The following PTPRD variants were observed in gnomAD, a reference collection of about 807,000 sequenced individuals.
PTPRD encodes the protein receptor-type tyrosine-protein phosphatase delta.
A neutral mutation model predicts 214.5 loss-of-function variants in PTPRD; 34 were observed. That is an observed-to-expected ratio of 0.16 (90% CI 0.12 to 0.21). The LOEUF (loss-of-function observed/expected upper bound fraction) is 0.21, where lower values mean the gene tolerates loss of function less well. Among genes scored for constraint, PTPRD ranks in the 10% least tolerant of loss-of-function variants. The pLI is 1.00. For missense variants in PTPRD, 2,545 were observed against 2,398.7 expected (o/e 1.06, Z -1.27); for synonymous variants, 1,128 against 845.7 (o/e 1.33, Z -5.79).
At chr9:10,224,022 A>C (rs2099580506) in intron 3 of PTPRD, among the ~76,000 whole-genome samples, 1 of 151,810 alleles carries the variant, frequency 6.6e-6, no homozygotes, top group Non-Finnish European at 1.5e-5. Flanking sequence ...ATTTCAGGTT[A>C]AATAATATAT....
At chr9:9,403,844 C>G (rs1381135993) in intron 8 of PTPRD, among the ~76,000 whole-genome samples, 2 of 151,878 alleles carry the variant, frequency 1.3e-5, no homozygotes, top group Non-Finnish European at 2.9e-5. Flanking sequence ...AAAGACCATA[C>G]ACAGCTAAAC....
At chr9:10,197,865 G>A (rs1481736160) in intron 3 of PTPRD, among the ~76,000 whole-genome samples, 1 of 152,062 alleles carries the variant, frequency 6.6e-6, no homozygotes, top group Non-Finnish European at 1.5e-5. Flanking sequence ...ACTCAGATCT[G>A]TAAGCAAAGA....
At chr9:9,099,757 T>C (rs926598216) in intron 10 of PTPRD, among the ~76,000 whole-genome samples, 1 of 152,190 alleles carries the variant, frequency 6.6e-6, no homozygotes, top group South Asian at 2.1e-4. Flanking sequence ...ATGGTTTCTA[T>C]GAATAGAATT....
chr9:8,449,941 G>T, intron 33 of PTPRD, 104 bp from the exon 34 acceptor site: 2 of 1,137,350 alleles, frequency 1.8e-6, no homozygotes, highest in Non-Finnish European at 2.5e-6. Flanking sequence ...CAAGTTTTCA[G>T]TTTTACAACT....
intron 4 of PTPRD, among the ~76,000 whole-genome samples, chr9:9,964,026 A>G (rs2094519350): frequency 6.9e-6 from 1 of 144,926 alleles, no homozygotes; most frequent in Admixed American, 7.3e-5. Flanking sequence ...TGAGTCAGAG[A>G]GACACAGACA....
chr9:10,245,393 A>AT (rs2154365454), intron 3 of PTPRD, among the ~76,000 whole-genome samples: 1 of 152,176 alleles, frequency 6.6e-6, no homozygotes, highest in East Asian at 1.9e-4. Context: ...CATTTTATCT[A>AT]TGATTTCCAA....
chr9:9,182,260 T>G (rs936272940), intron 10 of PTPRD, among the ~76,000 whole-genome samples: 2 of 152,042 alleles, frequency 1.3e-5, no homozygotes, highest in African/African-American at 4.8e-5. Context: ...CTTCTCCATA[T>G]GCAGATATTT....
chr9:9,630,664 G>T (rs1368021832), intron 7 of PTPRD, among the ~76,000 whole-genome samples: 1 of 152,176 alleles, frequency 6.6e-6, no homozygotes, highest in Non-Finnish European at 1.5e-5. Flanking sequence ...GAGGAAAATA[G>T]TGACTGGAAG....
chr9:10,250,766 G>C (rs964715097), intron 3 of PTPRD, among the ~76,000 whole-genome samples: 2 of 151,778 alleles, frequency 1.3e-5, no homozygotes, highest in Non-Finnish European at 2.9e-5. Context: ...GGAAGAAACT[G>C]TTTATATGTT....
At chr9:9,016,012 A>G (rs547824863) in intron 11 of PTPRD, among the ~76,000 whole-genome samples, 7 of 152,248 alleles carry the variant, frequency 4.6e-5, no homozygotes, top group East Asian at 3.9e-4. Flanking sequence ...CACAGGCAGC[A>G]GGACTTGAGG....
intron 9 of PTPRD, among the ~76,000 whole-genome samples, chr9:9,270,817 T>A (rs563578222): frequency 6.6e-6 from 1 of 151,434 alleles, no homozygotes; most frequent in South Asian, 2.1e-4. Flanking sequence ...TGGAGAAAAG[T>A]TAACAGGATT....
chr9:10,145,998 T>C (rs2099019813), intron 3 of PTPRD, among the ~76,000 whole-genome samples: 1 of 152,022 alleles, frequency 6.6e-6, no homozygotes, highest in Non-Finnish European at 1.5e-5. Context: ...CAATATCAAA[T>C]ATTCTATTGG....
chr9:8,770,575 C>A (rs1015300677), intron 11 of PTPRD, among the ~76,000 whole-genome samples: 1 of 152,104 alleles, frequency 6.6e-6, no homozygotes, highest in Non-Finnish European at 1.5e-5. Context: ...GACTGAGAAG[C>A]TTTCACTAAA....
intron 9 of PTPRD, among the ~76,000 whole-genome samples, chr9:9,275,067 T>A (rs10816084): frequency 0.68 from 44,027 of 64,484 alleles, 12,737 homozygotes; most frequent in Non-Finnish European, 0.7. Flanking sequence ...ATATATATAT[T>A]ATATATATAT....
intron 2 of PTPRD, among the ~76,000 whole-genome samples, chr9:10,445,517 G>A (rs2098792585): frequency 6.6e-6 from 1 of 152,128 alleles, no homozygotes; most frequent in Non-Finnish European, 1.5e-5. Flanking sequence ...GAATACATTT[G>A]AGAAATATAT....
chr9:9,590,141 A>T (rs920148297), intron 7 of PTPRD, among the ~76,000 whole-genome samples: 3 of 152,080 alleles, frequency 2.0e-5, no homozygotes, highest in Admixed American at 2.0e-4. Flanking sequence ...CACTTACTGT[A>T]TGGTGACTGT....
intron 5 of PTPRD, among the ~76,000 whole-genome samples, chr9:9,854,360 G>C (rs1357774955): frequency 3.3e-5 from 5 of 151,966 alleles, no homozygotes; most frequent in Non-Finnish European, 5.9e-5. Context: ...CATAGGTCCT[G>C]GAATCAAGGA....
At position 9,505,299 on chromosome 9, in the gene PTPRD, T is replaced by C. The variant is rs181604343; in HGVS notation, c.-237+69433A>G. 4.5e-3 allele frequency among the ~76,000 whole-genome samples: 682 copies of C among 151,750 alleles called. 7 individuals are homozygous for C. Among genetic ancestry groups the C allele is most frequent in the African/African-American group, 0.015 (621 of 41,496 alleles). ...AGATCCATTTTTTTAAATCCTTCTC[T>C]TCTTTATAGATCATTTCATATCGTC... is the stretch of plus-strand genomic sequence containing the variant. On this transcript the variant is annotated intron_variant, in intron 8 of 45. Transcript: ENST00000381196.
At chr9:9,296,739 G>T (rs2134417278) in intron 9 of PTPRD, among the ~76,000 whole-genome samples, 1 of 151,866 alleles carries the variant, frequency 6.6e-6, no homozygotes, top group Admixed American at 6.6e-5. Flanking sequence ...AAATAAATAA[G>T]AAGTTTTTTG....
Sources: gnomAD v4.1 joint callset for allele counts (sites outside exome capture counted in the v4.1 genomes callset) on GRCh38, gnomAD v4.1.1 for gene constraint, MANE v1.5 for transcripts, NCBI Gene and HGNC (gene_info 2026-07-23, HGNC 2026-07-21) for gene names.